Variants in ADAM33 observed in about 807,000 individuals in gnomAD.
ADAM33 encodes ADAM metallopeptidase domain 33.
In ADAM33, 103 loss-of-function variants were observed where a neutral mutation model predicts 106.2. The ratio of observed to expected loss-of-function variants is 0.97; its 90% confidence interval spans 0.83 to 1.14. The LOEUF (loss-of-function observed/expected upper bound fraction) is 1.14, where lower values mean the gene tolerates loss of function less well. Among genes scored for constraint, ADAM33 ranks in the 50% most tolerant of loss-of-function variants. The pLI, the probability that ADAM33 is intolerant of heterozygous loss-of-function variation, is 0.00. For synonymous variants in ADAM33, 483 were observed against 453.0 expected (o/e 1.07, Z -0.84); for missense variants, 1,120 against 1,096.6 (o/e 1.02, Z -0.30).
At chr20:3,674,161 T>C (rs2146403828) in intron 7 of ADAM33, 26 bp from the exon 8 acceptor site, 3 of 1,614,178 alleles carry the variant, frequency 1.9e-6, no homozygotes, top group Non-Finnish European at 2.5e-6. Context: ...TCCCGGTGGC[T>C]TGAGGGGCTG....
At position 3,669,503 on chromosome 20, in the gene ADAM33, C is replaced by A. The variant is rs1457804140; in HGVS notation, c.2332+43G>T. On this transcript the variant is annotated intron_variant, in intron 20 of 21. Transcript: ENST00000356518. Reference sequence around the variant, plus strand: ...AGGAGGCAGGAGGCATGAGCCCTTCCCTTCTCCCTTCCCTCTCCACCTCCC... The same window carrying A: ...AGGAGGCAGGAGGCATGAGCCCTTCACTTCTCCCTTCCCTCTCCACCTCCC... 3.2e-6 allele frequency: 5 copies of A among 1,548,446 alleles called. No homozygotes were observed. In the East Asian group the frequency reaches 1.2e-4, roughly 36 times the overall value.
intron 1 of ADAM33, among the ~76,000 whole-genome samples, chr20:3,680,032 C>A (rs1005443572): frequency 6.6e-6 from 1 of 152,162 alleles, no homozygotes; most frequent in Admixed American, 6.5e-5. Context: ...TGTTGCCTTG[C>A]GAGGTCCACC....
chr20:3,674,301 G>A lies in ADAM33; in HGVS notation c.601-17C>T, dbSNP rs772786770. 1.9e-6 allele frequency: 3 copies of A among 1,613,700 alleles called. No individual in the cohort carries two copies. In the Admixed American group the frequency reaches 5.0e-5, roughly 27 times the overall value. On this transcript the variant is annotated splice_polypyrimidine_tract_variant and intron_variant, in intron 6 of 21. Coordinates refer to ENST00000356518, the MANE Select transcript of ADAM33 (RefSeq NM_025220.5). ...TCGCCTGCCCTGCGGAGGTGCAAATGGGGACCCTGAGTGGAAGCTGCTGGG... is the reference window on the plus strand; with the variant it reads ...TCGCCTGCCCTGCGGAGGTGCAAATAGGGACCCTGAGTGGAAGCTGCTGGG...
Position 3,672,711 on chromosome 20 carries a change from C to A in ADAM33, c.1311+10G>T, listed in dbSNP as rs370933297. The stretch of plus-strand genomic sequence containing the variant: ...AGAGGGCAAGTGGGGGCCGGGCGAG[C>A]CGACTTAACCTGGCCAGGGCCGCAG... On this transcript the variant is annotated intron_variant, in intron 12 of 21. Coordinates refer to ENST00000356518, the MANE Select transcript of ADAM33 (RefSeq NM_025220.5). 1.9e-5 allele frequency: 30 copies of A among 1,582,936 alleles called. No individual in the cohort carries two copies. Among genetic ancestry groups the A allele is most frequent in the African/African-American group, 6.7e-5 (5 of 74,184 alleles).
intron 11 of ADAM33, 108 bp downstream of exon 11, chr20:3,673,246 T>C (rs2087677802): frequency 6.5e-7 from 1 of 1,533,632 alleles, no homozygotes; most frequent in Non-Finnish European, 8.7e-7. Flanking sequence ...CTATGATCAT[T>C]ATCCCCATTT....
At chr20:3,669,494 G>T (rs1354927156) in intron 20 of ADAM33, 52 bp downstream of exon 20, 4 of 1,545,564 alleles carry the variant, frequency 2.6e-6, no homozygotes, top group Non-Finnish European at 2.6e-6. Flanking sequence ...CAGGAGGCAT[G>T]AGCCCTTCCC....
intron 11 of ADAM33, chr20:3,673,141 G>A (rs1023428795): frequency 1.0e-5 from 15 of 1,480,694 alleles, no homozygotes; most frequent in South Asian, 2.7e-5. Flanking sequence ...GAGTAACCTC[G>A]CCAGGTTACT....
intron 19 of ADAM33, chr20:3,670,706 G>C: frequency 2.6e-6 from 1 of 378,200 alleles, no homozygotes; most frequent in Non-Finnish European, 4.8e-6. Flanking sequence ...AAAACAGGGC[G>C]AAGTCAAGGG....
At chr20:3,676,863 C>A (rs987800361) in intron 3 of ADAM33, among the ~76,000 whole-genome samples, 1 of 152,196 alleles carries the variant, frequency 6.6e-6, no homozygotes, top group African/African-American at 2.4e-5. Flanking sequence ...GTTGGGAGGG[C>A]GGAGGTGCCC....
At chr20:3,670,869 T>C in intron 19 of ADAM33, 137 bp downstream of exon 19, 1 of 1,303,712 alleles carries the variant, frequency 7.7e-7, no homozygotes, top group African/African-American at 1.5e-5. Flanking sequence ...CAAAGCTACT[T>C]CTTTCCATGG....
chr20:3,681,863 C>T (rs773317484), intron 1 of ADAM33, 45 bp downstream of exon 1: 2 of 1,582,534 alleles, frequency 1.3e-6, no homozygotes, highest in South Asian at 2.3e-5. Flanking sequence ...CCACCACCAC[C>T]GCGCCTAGCC....
At chr20:3,672,058 C>T in intron 14 of ADAM33, 73 bp from the exon 15 acceptor site, 1 of 1,568,616 alleles carries the variant, frequency 6.4e-7, no homozygotes, top group Non-Finnish European at 8.6e-7. Flanking sequence ...TTTCCCCTGC[C>T]CATCTTCCCC....
In ADAM33 at chr20:3,673,334, C is replaced by T. The variant is rs1483745616; in HGVS notation, c.1133+20G>A. On this transcript the variant is annotated intron_variant, in intron 11 of 21. Transcript: ENST00000356518. Reference sequence around the variant, plus strand: ...CAGGACTAGCCGCCCCGCCGCAGCCCCGACCCCCCACCCGCGTACCCGGTG... The same window carrying T: ...CAGGACTAGCCGCCCCGCCGCAGCCTCGACCCCCCACCCGCGTACCCGGTG... The T allele has an allele frequency of 2.6e-6, 4 of 1,537,032 alleles. No individual in the cohort carries two copies. The highest frequency in any genetic ancestry group is 1.7e-6 in the Non-Finnish European group (2 of 1,147,612).
Position 3,673,440 on chromosome 20 carries a change from G to A in ADAM33, c.1047C>T (p.His349=). 1 of 1,578,144 alleles carries A rather than the reference G, an allele frequency of 6.3e-7. No homozygotes were observed. Among genetic ancestry groups the A allele is most frequent in the Middle Eastern group, 1.8e-4 (1 of 5,686 alleles). The change falls in exon 11 of 22, where the codon CAC becomes CAT. Residue 349 remains histidine, a synonymous_variant. Transcript: ENST00000356518. The part of the protein sequence containing the change: ...AAATMAHEIG[H]SLGLSHDPDG... ...CGGGGTCGTGGCTGAGGCCGAGGCT[G>A]TGGCCGATCTCATGGGCCATGGTGG...
rs534375620 is a variant in ADAM33 at position 3,672,480 on chromosome 20, A to G, written c.1401+57T>C. ...CTGAGGGCACCAATTAACTAAGGCC[A>G]ACAGGCCGGCTCCCAAGCTCCCCGA... On this transcript the variant is annotated intron_variant, in intron 13 of 21. Coordinates refer to ENST00000356518, the MANE Select transcript of ADAM33 (RefSeq NM_025220.5). The G allele has an allele frequency of 2.5e-6, 4 of 1,595,726 alleles. No homozygotes were observed. The South Asian group carries it at 4.5e-5, about 18-fold the overall frequency.
Position 3,675,116 on chromosome 20 carries a change from G to C in ADAM33, c.255-11C>G. On this transcript the variant is annotated splice_polypyrimidine_tract_variant and intron_variant, in intron 3 of 21. Transcript: ENST00000356518. The surrounding 1 kb of genome is among the most constrained non-coding windows in gnomAD (Gnocchi z 4.1). Reference sequence around the variant, plus strand: ...GGGGCCAGCAGCCTGCTGAGAGGGGGTGTTACAGGGAACACTGAATTCAGC... The same window carrying C: ...GGGGCCAGCAGCCTGCTGAGAGGGGCTGTTACAGGGAACACTGAATTCAGC... 1 of 1,600,928 alleles carries C rather than the reference G, an allele frequency of 6.2e-7. No homozygotes were observed. The highest frequency in any genetic ancestry group is 8.5e-7 in the Non-Finnish European group (1 of 1,169,750).
chr20:3,673,291 C>A (rs1239270849), intron 11 of ADAM33, 63 bp downstream of exon 11: 1 of 1,534,654 alleles, frequency 6.5e-7, no homozygotes, highest in East Asian at 2.4e-5. Context: ...ACCAAAGAAA[C>A]GCAGCGGAGG....
intron 1 of ADAM33, 34 bp downstream of exon 1, chr20:3,681,870 AGCCT>A: frequency 6.9e-6 from 11 of 1,590,176 alleles, no homozygotes; most frequent in African/African-American, 1.4e-5. Flanking sequence ...CACCGCGCCT[AGCCT>A]GCCCCTCAGG....
chr20:3,671,156 G>A lies in ADAM33; in HGVS notation c.2093-3C>T, dbSNP rs1490123347. 3.7e-6 allele frequency: 6 copies of A among 1,613,044 alleles called. No homozygotes were observed. The highest frequency in any genetic ancestry group is 5.1e-6 in the Non-Finnish European group (6 of 1,179,692). On this transcript the variant is annotated splice_polypyrimidine_tract_variant and splice_region_variant and intron_variant, in intron 18 of 21. Coordinates refer to ENST00000356518, the MANE Select transcript of ADAM33 (RefSeq NM_025220.5). ...GGCCAGCAGGAAGGTGTCATGGTCT[G>A]CGGGGATTGGGGGAAGGGGCGCTGA... is the stretch of plus-strand genomic sequence containing the variant.
Sources: allele counts gnomAD v4.1 joint callset (sites outside exome capture counted in the v4.1 genomes callset), GRCh38; gene constraint gnomAD v4.1.1; non-coding constraint Gnocchi (gnomAD v3.1); transcripts MANE v1.5; gene names NCBI Gene and HGNC (gene_info 2026-07-23, HGNC 2026-07-21).